The following NLRP14 variants were observed in gnomAD, a reference collection of about 807,000 sequenced individuals.
The protein encoded by NLRP14 is NLR family pyrin domain containing 14, also known as NACHT, LRR and PYD domains-containing protein 14.
Under a neutral mutation model 94.7 loss-of-function variants are expected in NLRP14, and 105 were observed. That is an observed-to-expected ratio of 1.11 (90% CI 0.95 to 1.30). The LOEUF is 1.30. Among genes scored for constraint, NLRP14 ranks in the 50% most tolerant of loss-of-function variants. The pLI, the probability that NLRP14 is intolerant of heterozygous loss-of-function variation, is 0.00. For synonymous variants in NLRP14, 508 were observed against 459.9 expected (o/e 1.10, Z -1.34); for missense variants, 1,362 against 1,254.1 (o/e 1.09, Z -1.30).
chr11:7,039,294 C>G (rs1292425213), intron 2 of NLRP14, among the ~76,000 whole-genome samples: 8 of 152,006 alleles, frequency 5.3e-5, no homozygotes, highest in Non-Finnish European at 1.2e-4. Flanking sequence ...TATTTTTAGT[C>G]ATTCTCAGGT....
intron 1 of NLRP14, among the ~76,000 whole-genome samples, chr11:7,025,030 CAG>C (rs1286481114): frequency 6.6e-6 from 1 of 151,866 alleles, no homozygotes; most frequent in Non-Finnish European, 1.5e-5. Flanking sequence ...AAATGACTAA[CAG>C]AATAATAGAA....
At chr11:7,031,287 G>T (rs1272928851) in intron 1 of NLRP14, among the ~76,000 whole-genome samples, 4 of 152,164 alleles carry the variant, frequency 2.6e-5, no homozygotes, top group Non-Finnish European at 5.9e-5. Flanking sequence ...TGGGAAGTTG[G>T]GTTCTGTGCG....
intron 5 of NLRP14, among the ~76,000 whole-genome samples, chr11:7,049,068 G>A (rs928091309): frequency 1.3e-5 from 2 of 152,132 alleles, no homozygotes; most frequent in African/African-American, 4.8e-5. Context: ...TACAAAGCGA[G>A]GTTTTGGACA....
chr11:7,084,717 T>C, the NLRP14 span, among the ~76,000 whole-genome samples: 1 of 152,212 alleles, frequency 6.6e-6, no homozygotes, highest in Non-Finnish European at 1.5e-5. Flanking sequence ...ATCATAATCT[T>C]TATAATAAGC....
At chr11:7,055,028 C>G (rs1440095352) in intron 6 of NLRP14, among the ~76,000 whole-genome samples, 1 of 152,064 alleles carries the variant, frequency 6.6e-6, no homozygotes, top group Non-Finnish European at 1.5e-5. Flanking sequence ...ATATGAATAT[C>G]CAGTTTTCCC....
chr11:7,064,951 G>A (rs1852682920), intron 10 of NLRP14, among the ~76,000 whole-genome samples: 1 of 151,822 alleles, frequency 6.6e-6, no homozygotes, highest in Admixed American at 6.6e-5. Context: ...CCACTGACCT[G>A]TTTGTAATTC....
At chr11:7,079,300 T>C in the NLRP14 span, among the ~76,000 whole-genome samples, 24 of 152,334 alleles carry the variant, frequency 1.6e-4, no homozygotes, top group African/African-American at 5.8e-4. Flanking sequence ...TAAGATACTC[T>C]GTAGAGAATG....
chr11:7,075,833 C>A (rs75582833), downstream of NLRP14, among the ~76,000 whole-genome samples: 5,361 of 152,264 alleles, frequency 0.035, 239 homozygotes, highest in African/African-American at 0.1. Context: ...TTTGATCACC[C>A]TAGAGATGCA....
At chr11:7,051,985 A>G (rs769818469) in intron 6 of NLRP14, among the ~76,000 whole-genome samples, 3 of 152,186 alleles carry the variant, frequency 2.0e-5, no homozygotes, top group Non-Finnish European at 4.4e-5. Context: ...CCTCAAGAAG[A>G]GGAGAAAGAT....
chr11:7,043,774 T>G lies in NLRP14; in HGVS notation c.1748T>G (p.Phe583Cys). The G allele has an allele frequency of 6.2e-7, 1 of 1,614,142 alleles. No individual in the cohort carries two copies. The highest frequency in any genetic ancestry group is 8.5e-7 in the Non-Finnish European group (1 of 1,179,978). ...SPSQLGFLEL[F>C]HCLYETQDKA... ...TCACAGCTGGGATTTCTGGAGTTGTTTCACTGTCTGTATGAGACTCAAGAT... is the reference window on the plus strand; with the variant it reads ...TCACAGCTGGGATTTCTGGAGTTGTGTCACTGTCTGTATGAGACTCAAGAT... The change falls in exon 4 of 12, where the codon TTT becomes TGT. Residue 583 changes from phenylalanine (F) to cysteine (C), a missense_variant. Physicochemically the swap from Phe to Cys is radical, Grantham distance 205 (BLOSUM62 -2). Transcript: ENST00000299481.
chr11:7,078,462 A>ACAAAAAAAAAAAG, the NLRP14 span, among the ~76,000 whole-genome samples: 1 of 88,486 alleles, frequency 1.1e-5, no homozygotes, highest in Non-Finnish European at 2.0e-5. Context: ...AAAAAAAAAA[A>ACAAAAAAAAAAAG]CAAAAAAATT....
At chr11:7,073,965 A>G (rs1589878332), downstream of NLRP14, among the ~76,000 whole-genome samples, 1 of 152,104 alleles carries the variant, frequency 6.6e-6, no homozygotes, top group Admixed American at 6.6e-5. Context: ...GGAGGTCGGG[A>G]TGGGGAGTGC....
intron 10 of NLRP14, among the ~76,000 whole-genome samples, chr11:7,065,006 G>C (rs1429684154): frequency 6.6e-6 from 1 of 151,884 alleles, no homozygotes; most frequent in East Asian, 1.9e-4. Context: ...TCTATGATAA[G>C]CCCTGATACG....
chr11:7,029,769 C>T (rs939648085), intron 1 of NLRP14, among the ~76,000 whole-genome samples: 2 of 152,142 alleles, frequency 1.3e-5, no homozygotes, highest in South Asian at 2.1e-4. Context: ...TATGTTGTAA[C>T]CAAACTAAAA....
downstream of NLRP14, among the ~76,000 whole-genome samples, chr11:7,072,131 T>C (rs899788859): frequency 3.3e-5 from 5 of 152,230 alleles, no homozygotes; most frequent in Non-Finnish European, 1.5e-5. Context: ...ATAATGATTT[T>C]ATTAAATCTC....
At chr11:7,053,708 C>T (rs1038408582) in intron 6 of NLRP14, among the ~76,000 whole-genome samples, 1 of 150,334 alleles carries the variant, frequency 6.7e-6, no homozygotes, top group African/African-American at 2.4e-5. Context: ...GGGTTACATG[C>T]AATATTTTGA....
rs1476070501 is a variant in NLRP14, at chr11:7,062,596, A to T, written c.2975+93A>T. Reference sequence around the variant, plus strand: ...AGTGTATGGAGAGAGGATAAAAACTAAATGGGGCTAGAAGGTAAGTTACTC... The same window carrying T: ...AGTGTATGGAGAGAGGATAAAAACTTAATGGGGCTAGAAGGTAAGTTACTC... On this transcript the variant is annotated intron_variant, in intron 10 of 11. Coordinates refer to ENST00000299481, the MANE Select transcript of NLRP14 (RefSeq NM_176822.4). 2.7e-6 allele frequency: 3 copies of T among 1,094,000 alleles called. No homozygotes were observed. The Admixed American group carries it at 5.1e-5, about 19-fold the overall frequency. 67.8% of individuals were successfully genotyped at this position (1,094,000 alleles called of 1,614,324 possible). A position where few individuals can be genotyped will look rare whatever the true frequency, so the allele number is the denominator to read the frequency against.
At position 7,043,698 on chromosome 11, in the gene NLRP14, T is replaced by A. The variant is rs144045277; in HGVS notation, c.1672T>A (p.Ser558Thr). 2.3e-5 allele frequency: 37 copies of A among 1,614,068 alleles called. No homozygotes were observed. In the Admixed American group the frequency reaches 3.8e-4, roughly 17 times the overall value. Residue 558 changes from serine (S) to threonine (T), a missense_variant, in exon 4 of 12, where the codon TCA becomes ACA. Coordinates refer to ENST00000299481, the MANE Select transcript of NLRP14 (RefSeq NM_176822.4). ...FNCKMSLKIK[S>T]KLLQCMEVLG... ...CTGTAAAATGTCACTGAAGATAAAA[T>A]CAAAGTTACTTCAGTGTATGGAAGT...
rs1230337340 is a variant in NLRP14, at chr11:7,068,356, A to C, written c.2976-1930A>C. 2.0e-5 allele frequency among the ~76,000 whole-genome samples: 3 copies of C among 152,128 alleles called. No individual in the cohort carries two copies. The East Asian group carries it at 5.8e-4, about 29-fold the overall frequency. On this transcript the variant is annotated intron_variant, in intron 10 of 11. Transcript: ENST00000299481. ...TCCAACAAAGATATTTAAGGTTACA[A>C]CTTCCCTTCAAATGACTGCGTTAAC...
Sources: gnomAD v4.1 joint callset for allele counts (sites outside exome capture counted in the v4.1 genomes callset) on GRCh38, gnomAD v4.1.1 for gene constraint, MANE v1.5 for transcripts, NCBI Gene and HGNC (gene_info 2026-07-23, HGNC 2026-07-21) for gene names.